SCUBE1: variants seen among roughly 807,000 people sequenced by gnomAD.
SCUBE1 encodes the protein signal peptide, CUB domain and EGF like domain containing 1.
SCUBE1 carries 59 observed loss-of-function variants against 124.4 expected under a neutral mutation model. The observed-to-expected ratio is 0.47, with a 90% CI of 0.38 to 0.59. The LOEUF (loss-of-function observed/expected upper bound fraction) is 0.59, where lower values mean the gene tolerates loss of function less well. Among genes scored for constraint, SCUBE1 ranks in the 20% least tolerant of loss-of-function variants. The pLI is 0.00. For synonymous variants in SCUBE1, 545 were observed against 550.9 expected (o/e 0.99, Z 0.15); for missense variants, 1,150 against 1,371.2 (o/e 0.84, Z 2.55).
At chr22:43,226,573 C>T (rs544044744) in intron 10 of SCUBE1, among the ~76,000 whole-genome samples, 11 of 132,574 alleles carry the variant, frequency 8.3e-5, no homozygotes, top group South Asian at 2.6e-4. Context: ...CCATTCCAAG[C>T]GCTGTGGCTT....
chr22:43,269,502 A>G (rs1924208561), intron 4 of SCUBE1, among the ~76,000 whole-genome samples: 2 of 152,058 alleles, frequency 1.3e-5, no homozygotes, highest in African/African-American at 2.4e-5. Flanking sequence ...GTGCCTCCTG[A>G]GGGTCGTTGC....
In SCUBE1 at chr22:43,319,942, C is replaced by G. The variant is rs1926486465; in HGVS notation, c.344G>C (p.Cys115Ser). The change falls in exon 3 of 22, where the codon TGC (cysteine) becomes TCC (serine). Residue 115 changes from cysteine to serine, a missense_variant. By Grantham distance (112) the Cys-to-Ser change is moderately radical. Around this residue, in one of 3 missense-constraint regions of SCUBE1, gnomAD observed 337 missense variants for 482.1 expected, o/e 0.70. Coordinates refer to ENST00000360835, the MANE Select transcript of SCUBE1 (RefSeq NM_173050.5). ...GFMLAHDGHN[C>S]LDVDECQDNN... ...GCTACAGCTGTATCACTCACCCAGGCAGTTGTGTCCATCGTGTGCCAGCAT... is the reference window on the plus strand; with the variant it reads ...GCTACAGCTGTATCACTCACCCAGGGAGTTGTGTCCATCGTGTGCCAGCAT... 5 of 1,614,054 alleles carry G rather than the reference C, an allele frequency of 3.1e-6. No homozygotes were observed. In the Admixed American group the frequency reaches 8.3e-5, roughly 27 times the overall value.
intron 15 of SCUBE1, 86 bp from the exon 16 acceptor site, chr22:43,214,337 GAT>G: frequency 2.2e-6 from 3 of 1,365,476 alleles, no homozygotes; most frequent in Non-Finnish European, 3.0e-6. Flanking sequence ...AGGCTCTCCT[GAT>G]AGACACAGTC....
intron 3 of SCUBE1, among the ~76,000 whole-genome samples, chr22:43,319,156 C>A (rs184854870): frequency 6.6e-6 from 1 of 152,304 alleles, no homozygotes; most frequent in East Asian, 1.9e-4. Context: ...TACCTCAAAA[C>A]GTGACTGTAT....
intron 5 of SCUBE1, among the ~76,000 whole-genome samples, chr22:43,259,040 C>T (rs552985478): frequency 3.3e-5 from 5 of 152,180 alleles, no homozygotes; most frequent in Non-Finnish European, 7.3e-5. Flanking sequence ...GCCTTTCAGC[C>T]CAGAATCCCA....
intron 4 of SCUBE1, among the ~76,000 whole-genome samples, chr22:43,274,714 C>T (rs1011190839): frequency 7.9e-5 from 12 of 152,304 alleles, no homozygotes; most frequent in South Asian, 2.1e-4. Context: ...GCAGCGTCCC[C>T]GAGCCCCAGC....
Position 43,201,303 on chromosome 22 carries a change from CAAAAAAAAAAA to C in SCUBE1, c.*2683_*2693del, listed in dbSNP as rs756290447. On this transcript the variant is annotated 3_prime_UTR_variant, in exon 22 of 22. Coordinates refer to ENST00000360835, the MANE Select transcript of SCUBE1 (RefSeq NM_173050.5). ...TGGGTGACAGAGCGAGACTCCATCT[CAAAAAAAAAAA>C]AAAAAAAAAAAAAGAAAACAAAAAA... is the stretch of plus-strand genomic sequence containing the variant. 4.5e-5 allele frequency: 2 copies of C among 44,010 alleles called. No homozygotes were observed. The highest frequency in any genetic ancestry group is 1.5e-3 in the East Asian group (1 of 654). The allele number at this position is 44,010 out of a possible 1,614,324, so 2.7% of individuals were successfully genotyped here. A position where few individuals can be genotyped will look rare whatever the true frequency, so the allele number is the denominator to read the frequency against.
At chr22:43,266,599 C>G (rs1924076435) in intron 4 of SCUBE1, among the ~76,000 whole-genome samples, 1 of 152,158 alleles carries the variant, frequency 6.6e-6, no homozygotes. Flanking sequence ...ATCAATGTCC[C>G]AGCACATACA....
chr22:43,342,065 G>A (rs1237840627), intron 1 of SCUBE1, among the ~76,000 whole-genome samples: 3 of 151,982 alleles, frequency 2.0e-5, no homozygotes, highest in Non-Finnish European at 2.9e-5. Context: ...CGGGGCACGC[G>A]GGACCACCAG....
chr22:43,288,091 G>C lies in SCUBE1; in HGVS notation c.484+2955C>G, dbSNP rs1925215310. 2.0e-5 allele frequency among the ~76,000 whole-genome samples: 3 copies of C among 152,278 alleles called. No homozygotes were observed. In the South Asian group the frequency reaches 6.2e-4, roughly 32 times the overall value. The stretch of plus-strand genomic sequence containing the variant: ...TTTTTTGGACTGATTTCATTGCCCA[G>C]ATCAAAAAATCAGGAGAGGCCACAC... On this transcript the variant is annotated intron_variant, in intron 4 of 21. Coordinates refer to ENST00000360835, the MANE Select transcript of SCUBE1 (RefSeq NM_173050.5).
chr22:43,343,126 G>A, intron 1 of SCUBE1, 48 bp downstream of exon 1: 16 of 998,074 alleles, frequency 1.6e-5, no homozygotes, highest in Non-Finnish European at 2.0e-5. Context: ...CGCCTCGGCC[G>A]CCCGAGCCCC....
Position 43,198,956 on chromosome 22 carries a change from G to A in SCUBE1, c.*5041C>T, listed in dbSNP as rs543731856. ...TTTGTCTGTCTGTCTGCTGTCCGGG[G>A]CAGTTTTTCTGTCTGCTGTCCGGGG... On this transcript the variant is annotated 3_prime_UTR_variant, in exon 22 of 22. Transcript: ENST00000360835. 43 of 363,176 alleles carry A rather than the reference G, an allele frequency of 1.2e-4. No individual in the cohort carries two copies. Among genetic ancestry groups the A allele is most frequent in the African/African-American group, 9.0e-4 (41 of 45,498 alleles). 22.5% of individuals were successfully genotyped at this position (363,176 alleles called of 1,614,324 possible). A position where few individuals can be genotyped will look rare whatever the true frequency, so the allele number is the denominator to read the frequency against.
chr22:43,299,558 G>C (rs1601871789), intron 3 of SCUBE1, among the ~76,000 whole-genome samples: 1 of 152,172 alleles, frequency 6.6e-6, no homozygotes, highest in East Asian at 1.9e-4. Context: ...CACATGGTCT[G>C]CTTGGAGGAT....
chr22:43,259,585 C>T (rs9941932), intron 5 of SCUBE1, among the ~76,000 whole-genome samples: 1,694 of 152,256 alleles, frequency 0.011, 35 homozygotes, highest in East Asian at 0.049. Flanking sequence ...TCACAGAGAC[C>T]GACGCAGAGC....
chr22:43,305,494 G>A (rs1228172749), intron 3 of SCUBE1, among the ~76,000 whole-genome samples: 2 of 152,186 alleles, frequency 1.3e-5, no homozygotes, highest in Non-Finnish European at 2.9e-5. Context: ...TCCGGGACAG[G>A]CCGGGAGGAG....
At chr22:43,267,700 G>A (rs1264404321) in intron 4 of SCUBE1, among the ~76,000 whole-genome samples, 1 of 152,174 alleles carries the variant, frequency 6.6e-6, no homozygotes, top group Non-Finnish European at 1.5e-5. Context: ...CAGGGATAAG[G>A]CACTGGCCCC....
At chr22:43,281,621 A>T (rs1924913349) in intron 4 of SCUBE1, among the ~76,000 whole-genome samples, 1 of 132,878 alleles carries the variant, frequency 7.5e-6, no homozygotes, top group Non-Finnish European at 1.5e-5. Flanking sequence ...CTCCTCAGCA[A>T]CCCTGTCACC....
intron 16 of SCUBE1, among the ~76,000 whole-genome samples, 186 bp downstream of exon 16, chr22:43,213,904 C>T (rs138991): frequency 0.62 from 94,155 of 151,920 alleles, 30,325 homozygotes; most frequent in Non-Finnish European, 0.7. Flanking sequence ...GGATCTGTCA[C>T]GCACTTTGTA....
intron 6 of SCUBE1, among the ~76,000 whole-genome samples, chr22:43,257,569 G>A (rs1391252125): frequency 1.3e-4 from 20 of 152,176 alleles, no homozygotes; most frequent in Non-Finnish European, 8.8e-5. Flanking sequence ...GGTGAGAGAC[G>A]GGCTGGGGCA....
Sources: allele counts gnomAD v4.1 joint callset (sites outside exome capture counted in the v4.1 genomes callset), GRCh38; gene constraint gnomAD v4.1.1; regional missense constraint gnomAD v4.1.1; transcripts MANE v1.5; gene names NCBI Gene and HGNC (gene_info 2026-07-23, HGNC 2026-07-21).